The following RASGRF1 variants were observed in gnomAD, a reference collection of about 807,000 sequenced individuals.
The protein encoded by RASGRF1 is ras-specific guanine nucleotide-releasing factor 1.
A neutral mutation model predicts 138.7 loss-of-function variants in RASGRF1; 40 were observed. The observed-to-expected ratio is 0.29, with a 90% CI of 0.22 to 0.38. The LOEUF is 0.38. RASGRF1 is among the 10% of genes least tolerant of loss of function. The pLI, the probability that RASGRF1 is intolerant of heterozygous loss-of-function variation, is 1.00. For synonymous variants in RASGRF1, 614 were observed against 663.2 expected (o/e 0.93, Z 1.14); for missense variants, 1,108 against 1,650.4 (o/e 0.67, Z 5.69).
intron 14 of RASGRF1, chr15:79,005,305 C>CCCTGGGGTT: frequency 1.0e-6 from 1 of 985,468 alleles, no homozygotes; most frequent in South Asian, 4.7e-5. Context: ...TCCTGGGGAG[C>CCCTGGGGTT]CCTGGGGAGC....
chr15:78,990,164 G>C (rs1206708901), intron 22 of RASGRF1, 25 bp downstream of exon 22: 1 of 1,533,424 alleles, frequency 6.5e-7, no homozygotes, highest in African/African-American at 1.4e-5. Context: ...ACCCCAGTGA[G>C]AGAGGCGCTC....
chr15:78,993,386 GGT>G (rs981642649), intron 20 of RASGRF1, among the ~76,000 whole-genome samples: 3 of 123,910 alleles, frequency 2.4e-5, no homozygotes, highest in Admixed American at 7.8e-5. Context: ...TGTGTGTGTG[GGT>G]GTGTGTGTGT....
At chr15:79,052,141 C>G (rs369121785) in intron 3 of RASGRF1, among the ~76,000 whole-genome samples, 25 of 152,194 alleles carry the variant, frequency 1.6e-4, no homozygotes, top group African/African-American at 6.0e-4. Context: ...TGGCTCCTGC[C>G]CACCCACCAC....
At chr15:79,019,981 A>G in intron 11 of RASGRF1, 60 bp downstream of exon 11, 1 of 1,590,462 alleles carries the variant, frequency 6.3e-7, no homozygotes. Flanking sequence ...AACCTTTAGG[A>G]GTGAGCGTGT....
chr15:79,012,379 G>A, intron 13 of RASGRF1: 1 of 828,628 alleles, frequency 1.2e-6, no homozygotes, highest in Non-Finnish European at 2.0e-6. Context: ...GACCTCGCCT[G>A]GATTACACAG....
chr15:79,090,096 G>T, intron 1 of RASGRF1, 127 bp downstream of exon 1: 1 of 1,300,436 alleles, frequency 7.7e-7, no homozygotes, highest in Non-Finnish European at 1.0e-6. Context: ...CGCTGAGGGT[G>T]CAGAGAGCGC....
At chr15:79,069,793 C>T in intron 1 of RASGRF1, among the ~76,000 whole-genome samples, 1 of 152,218 alleles carries the variant, frequency 6.6e-6, no homozygotes, top group East Asian at 1.9e-4. Context: ...TGATCTTTGT[C>T]TGCCTTCCTC....
At chr15:79,058,135 C>T (rs2057534977) in intron 3 of RASGRF1, among the ~76,000 whole-genome samples, 199 bp downstream of exon 3, 1 of 152,214 alleles carries the variant, frequency 6.6e-6, no homozygotes, top group Non-Finnish European at 1.5e-5. Context: ...CAATAAGTGA[C>T]AGAGGTGAGA....
At chr15:79,075,140 C>T (rs1455118057) in intron 1 of RASGRF1, among the ~76,000 whole-genome samples, 2 of 152,166 alleles carry the variant, frequency 1.3e-5, no homozygotes, top group Non-Finnish European at 1.5e-5. Context: ...TTCCAATGGG[C>T]AGCCAAGGTT....
chr15:79,006,110 G>A lies in RASGRF1; in HGVS notation c.2075+76C>T, dbSNP rs1326259169. On this transcript the variant is annotated intron_variant, in intron 14 of 26. Transcript: ENST00000558480. This position sits in a 1 kb window ranked among gnomAD's most constrained non-coding sequence, Gnocchi z 4.0. ...CCAGGGACCTTCCAGGTCACCCCCC[G>A]GCCCCGTGCAAGCTCAGTTTTCCTC... 10 of 1,589,294 alleles carry A rather than the reference G, an allele frequency of 6.3e-6. No homozygotes were observed. Among genetic ancestry groups the A allele is most frequent in the African/African-American group, 2.7e-5 (2 of 74,578 alleles).
intron 1 of RASGRF1, among the ~76,000 whole-genome samples, chr15:79,068,379 G>A (rs954686448): frequency 1.3e-5 from 2 of 151,680 alleles, no homozygotes; most frequent in African/African-American, 4.8e-5. Flanking sequence ...GTGTGGCTTG[G>A]GGGCAACTAA....
At chr15:78,990,342 CT>C in intron 21 of RASGRF1, 69 bp from the exon 22 acceptor site, 1 of 1,090,916 alleles carries the variant, frequency 9.2e-7, no homozygotes, top group Non-Finnish European at 1.4e-6. Flanking sequence ...TTGCTCCATG[CT>C]TTTTATTTTA....
Position 78,985,003 on chromosome 15 carries a change from G to A in RASGRF1, c.3414+4C>T, listed in dbSNP as rs202089658. ...AGGCAGTGGTGCCAGCCTCCTGCCC[G>A]CACCTGCTTAGAGACTTTGAGCCAC... On this transcript the variant is annotated splice_donor_region_variant and intron_variant, in intron 23 of 26. Transcript: ENST00000558480. 189 of 1,613,550 alleles carry A rather than the reference G, an allele frequency of 1.2e-4. No individual in the cohort carries two copies. The highest frequency in any genetic ancestry group is 1.4e-4 in the Non-Finnish European group (167 of 1,179,578).
At position 79,006,348 on chromosome 15, in the gene RASGRF1, G is replaced by A. The variant is rs2056674316; in HGVS notation, c.1913C>T (p.Ala638Val). ...NSCKVLQIRY[A>V]SVERLLERLT... The stretch of plus-strand genomic sequence containing the variant: ...CCTCTCCAGCAGCCGCTCCACACTG[G>A]CGTAGCGGATCTGCAGCACTTTGCA... Residue 638 changes from alanine (A) to valine (V), a missense_variant, in exon 14 of 27, where the codon GCC becomes GTC. Around this residue, in one of 3 missense-constraint regions of RASGRF1, gnomAD observed 686 missense variants for 976.7 expected, o/e 0.70. Transcript: ENST00000558480. This position sits in a 1 kb window ranked among gnomAD's most constrained non-coding sequence, Gnocchi z 4.0. The A allele has an allele frequency of 1.2e-6, 2 of 1,614,104 alleles. No individual in the cohort carries two copies. Among genetic ancestry groups the A allele is most frequent in the Non-Finnish European group, 8.5e-7 (1 of 1,180,042 alleles).
In RASGRF1 at chr15:79,048,191, A is replaced by C. The variant is rs576929164; in HGVS notation, c.625-1192T>G. ...TCTCTGCCCAGGTGGGACTTGACTC[A>C]GACCTGGGTGGCAAGTCCCAATGCC... On this transcript the variant is annotated intron_variant, in intron 4 of 26. Coordinates refer to ENST00000558480, the MANE Select transcript of RASGRF1 (RefSeq NM_001145648.3). Among the ~76,000 whole-genome samples the C allele has an allele frequency of 4.6e-5, 7 of 152,322 alleles. No individual in the cohort carries two copies. The South Asian group carries it at 1.4e-3, about 32-fold the overall frequency.
chr15:79,064,372 G>A, intron 2 of RASGRF1, 48 bp downstream of exon 2: 1 of 1,562,140 alleles, frequency 6.4e-7, no homozygotes, highest in South Asian at 1.1e-5. Context: ...GGTCTTTTCT[G>A]CCTGGACTGT....
At chr15:78,993,491 G>A (rs1013545605) in intron 20 of RASGRF1, among the ~76,000 whole-genome samples, 2 of 152,054 alleles carry the variant, frequency 1.3e-5, no homozygotes, top group African/African-American at 4.8e-5. Context: ...GAACATGGGT[G>A]TTGGGGGACA....
At chr15:78,974,280 C>T (rs1174591147) in intron 24 of RASGRF1, among the ~76,000 whole-genome samples, 1 of 152,254 alleles carries the variant, frequency 6.6e-6, no homozygotes, top group Admixed American at 6.5e-5. Context: ...TGCTCTGCCG[C>T]CTCCTCTCAG....
intron 22 of RASGRF1, chr15:78,985,544 G>A: frequency 4.9e-6 from 1 of 202,262 alleles, no homozygotes; most frequent in Non-Finnish European, 1.0e-5. Context: ...GAATAACAGA[G>A]AAAGAGATCA....
Sources: gnomAD v4.1 joint callset for allele counts (sites outside exome capture counted in the v4.1 genomes callset) on GRCh38, gnomAD v4.1.1 for gene constraint, gnomAD v4.1.1 regional missense constraint, Gnocchi (gnomAD v3.1) non-coding constraint, MANE v1.5 for transcripts, NCBI Gene and HGNC (gene_info 2026-07-23, HGNC 2026-07-21) for gene names.